Variants in MCM8 observed in about 807,000 individuals in gnomAD.
The protein encoded by MCM8 is DNA helicase MCM8.
A neutral mutation model predicts 98.9 loss-of-function variants in MCM8; 85 were observed. That is an observed-to-expected ratio of 0.86 (90% CI 0.72 to 1.03). The LOEUF is 1.03. Among genes scored for constraint, MCM8 ranks in the 50% least tolerant of loss-of-function variants. The pLI, the probability that MCM8 is intolerant of heterozygous loss-of-function variation, is 0.00. For synonymous variants in MCM8, 352 were observed against 338.6 expected (o/e 1.04, Z -0.44); for missense variants, 951 against 997.8 (o/e 0.95, Z 0.63).
chr20:5,987,641 T>C (rs1568598482), intron 17 of MCM8, among the ~76,000 whole-genome samples: 1 of 152,214 alleles, frequency 6.6e-6, no homozygotes, highest in East Asian at 1.9e-4. Context: ...CAGACACCCA[T>C]TGCTTTTCCA....
intron 8 of MCM8, 60 bp from the exon 9 acceptor site, chr20:5,967,376 A>G (rs1168835787): frequency 8.1e-6 from 12 of 1,482,262 alleles, no homozygotes; most frequent in Admixed American, 5.3e-5. Flanking sequence ...TGAATAGTTA[A>G]TATCTTGCAG....
At chr20:5,954,721 C>G in intron 4 of MCM8, 31 bp downstream of exon 4, 1 of 1,269,648 alleles carries the variant, frequency 7.9e-7, no homozygotes, top group Non-Finnish European at 1.1e-6. Flanking sequence ...AGCTACCAGT[C>G]ATGTGCCATC....
chr20:5,978,953 A>G (rs1419028444), intron 13 of MCM8, among the ~76,000 whole-genome samples: 1 of 152,212 alleles, frequency 6.6e-6, no homozygotes, highest in Admixed American at 6.5e-5. Context: ...AAGTCCAGGC[A>G]TAGGGCCCAG....
At chr20:5,965,404 G>C (rs931229229) in intron 8 of MCM8, 1 of 152,070 alleles carries the variant, frequency 6.6e-6, no homozygotes, top group African/African-American at 2.4e-5. Flanking sequence ...TTTATTACCA[G>C]AATAATTAAC....
At chr20:5,969,847 G>C (rs2089364513) in intron 10 of MCM8, among the ~76,000 whole-genome samples, 1 of 152,144 alleles carries the variant, frequency 6.6e-6, no homozygotes, top group Admixed American at 6.5e-5. Flanking sequence ...CCTTTGAGCA[G>C]GTGGCCAAGG....
intron 18 of MCM8, chr20:5,994,043 AG>A (rs2089907509): frequency 6.0e-6 from 2 of 335,014 alleles, no homozygotes; most frequent in Non-Finnish European, 9.9e-6. Flanking sequence ...TAATTTCAAA[AG>A]TTAGCTTGAT....
chr20:5,967,656 G>A lies in MCM8; in HGVS notation c.1027+69G>A. 8.7e-6 allele frequency: 13 copies of A among 1,501,272 alleles called. No homozygotes were observed. The South Asian group carries it at 1.7e-4, about 19-fold the overall frequency. The allele number at this position is 1,501,272 out of a possible 1,614,324, so 93.0% of individuals were successfully genotyped here. ...CATCAACGTTCATCTTTTCTAAGAT[G>A]CTCCTGAACCTCAAATAATTTGAGG... On this transcript the variant is annotated intron_variant, in intron 9 of 18. Coordinates refer to ENST00000610722, the MANE Select transcript of MCM8 (RefSeq NM_032485.6).
chr20:5,960,005 T>C (rs2089100877), intron 7 of MCM8, among the ~76,000 whole-genome samples: 1 of 152,182 alleles, frequency 6.6e-6, no homozygotes, highest in Non-Finnish European at 1.5e-5. Context: ...GTATTAGATG[T>C]TACCAAATTA....
At position 5,997,972 on chromosome 20, in the gene MCM8, A is replaced by G. The variant is rs913384176; in HGVS notation, c.*3581A>G. On this transcript the variant is annotated 3_prime_UTR_variant, in exon 19 of 19. Transcript: ENST00000610722. ...AGGATAGAGATATCAAGGTGAGGGT[A>G]TAACTGAACGAGAAGAGGAATAAAC... The G allele has an allele frequency of 1.3e-5, 2 of 152,226 alleles. No homozygotes were observed. Among genetic ancestry groups the G allele is most frequent in the African/African-American group, 4.8e-5 (2 of 41,458 alleles). 9.4% of individuals were successfully genotyped at this position (152,226 alleles called of 1,614,324 possible). A position where few individuals can be genotyped will look rare whatever the true frequency, so the allele number is the denominator to read the frequency against.
At chr20:5,968,653 G>A (rs907397062) in intron 10 of MCM8, among the ~76,000 whole-genome samples, 1 of 152,204 alleles carries the variant, frequency 6.6e-6, no homozygotes. Context: ...CAGTGGCAGA[G>A]TTGAATAGTT....
At chr20:5,990,367 G>A (rs1458934787) in intron 17 of MCM8, among the ~76,000 whole-genome samples, 4 of 152,020 alleles carry the variant, frequency 2.6e-5, no homozygotes, top group African/African-American at 4.8e-5. Flanking sequence ...GGGAGCCACC[G>A]CGCCTGACAT....
intron 17 of MCM8, among the ~76,000 whole-genome samples, chr20:5,989,193 T>G (rs1465137689): frequency 3.3e-5 from 5 of 150,258 alleles, no homozygotes; most frequent in Non-Finnish European, 7.4e-5. Context: ...ATTGGCTCAC[T>G]GCAGCCTGCG....
chr20:5,978,816 C>A (rs1019250701), intron 13 of MCM8, among the ~76,000 whole-genome samples: 1 of 152,194 alleles, frequency 6.6e-6, no homozygotes, highest in Non-Finnish European at 1.5e-5. Flanking sequence ...CCACACCTCC[C>A]AAAGTGCTGA....
In MCM8 at chr20:5,977,737, T is replaced by A. The variant is rs148040325; in HGVS notation, c.1396-139T>A. On this transcript the variant is annotated intron_variant, in intron 12 of 18. Transcript: ENST00000610722. ...AAATCAGGATATAATAATACCTTTC[T>A]CTGCTGGTGATGGTGCACCTTGTAC... 7.9e-4 allele frequency: 653 copies of A among 825,384 alleles called. 8 individuals carry two copies. In the African/African-American group the frequency reaches 0.01, roughly 13 times the overall value. 51.1% of individuals were successfully genotyped at this position (825,384 alleles called of 1,614,324 possible). A position where few individuals can be genotyped will look rare whatever the true frequency, so the allele number is the denominator to read the frequency against.
chr20:5,964,005 A>G (rs2089217444), intron 8 of MCM8, among the ~76,000 whole-genome samples: 1 of 152,160 alleles, frequency 6.6e-6, no homozygotes, highest in Admixed American at 6.5e-5. Flanking sequence ...TTGAGCTGTG[A>G]TAGAAATAAT....
chr20:5,969,027 G>A (rs2089341803), intron 10 of MCM8, among the ~76,000 whole-genome samples: 1 of 152,204 alleles, frequency 6.6e-6, no homozygotes, highest in Non-Finnish European at 1.5e-5. Context: ...TTTACTTCCA[G>A]TGTGATCTGG....
intron 10 of MCM8, among the ~76,000 whole-genome samples, chr20:5,968,428 C>A (rs1348607325): frequency 6.6e-6 from 1 of 152,140 alleles, no homozygotes; most frequent in African/African-American, 2.4e-5. Context: ...GCCTGTAATC[C>A]TAGCTACTCG....
chr20:5,969,440 A>G (rs2089352495), intron 10 of MCM8, among the ~76,000 whole-genome samples: 1 of 152,054 alleles, frequency 6.6e-6, no homozygotes. Flanking sequence ...AAAAATAGAA[A>G]AATTAGCTGG....
chr20:5,953,119 A>C (rs2122640469), intron 3 of MCM8, among the ~76,000 whole-genome samples: 1 of 152,344 alleles, frequency 6.6e-6, no homozygotes, highest in Middle Eastern at 3.4e-3. Flanking sequence ...GAGATGCTGA[A>C]AAGAGTTGGA....
Sources: gnomAD v4.1 joint callset for allele counts (sites outside exome capture counted in the v4.1 genomes callset) on GRCh38, gnomAD v4.1.1 for gene constraint, MANE v1.5 for transcripts, NCBI Gene and HGNC (gene_info 2026-07-23, HGNC 2026-07-21) for gene names.